The following LRRC69 variants were observed in gnomAD, a reference collection of about 807,000 sequenced individuals.
The protein encoded by LRRC69 is leucine rich repeat containing 69, also known as leucine-rich repeat-containing protein 69.
LRRC69 carries 42 observed loss-of-function variants against 37.8 expected under a neutral mutation model. The observed-to-expected ratio is 1.11, with a 90% confidence interval of 0.87 to 1.44. The LOEUF (loss-of-function observed/expected upper bound fraction) is 1.44, where lower values mean the gene tolerates loss of function less well. LRRC69 is among the 40% of genes most tolerant of loss of function. The pLI, the probability that LRRC69 is intolerant of heterozygous loss-of-function variation, is 0.00. For synonymous variants in LRRC69, 141 were observed against 143.1 expected (o/e 0.99, Z 0.11); for missense variants, 357 against 401.9 (o/e 0.89, Z 0.96).
intron 1 of LRRC69, among the ~76,000 whole-genome samples, chr8:91,106,836 A>G (rs1345656974): frequency 6.6e-6 from 1 of 151,820 alleles, no homozygotes; most frequent in African/African-American, 2.4e-5. Flanking sequence ...TCTGTCACCC[A>G]AGCTGGAGTG....
At chr8:91,110,802 A>G (rs62526680) in intron 1 of LRRC69, among the ~76,000 whole-genome samples, 68,979 of 151,910 alleles carry the variant, frequency 0.45, 17,427 homozygotes, top group South Asian at 0.64. Flanking sequence ...CTAGGCCTAC[A>G]TATGATATGC....
chr8:91,203,534 A>G (rs1477905724), intron 7 of LRRC69, among the ~76,000 whole-genome samples: 2 of 151,742 alleles, frequency 1.3e-5, no homozygotes, highest in Admixed American at 6.6e-5. Context: ...CTGGGATTAC[A>G]GGTGGCCACC....
At chr8:91,214,399 G>A (rs1418805769) in intron 7 of LRRC69, among the ~76,000 whole-genome samples, 3 of 152,268 alleles carry the variant, frequency 2.0e-5, no homozygotes, top group South Asian at 2.1e-4. Context: ...TCTTCAGTAT[G>A]TTATTTGAAA....
chr8:91,142,753 C>T, intron 5 of LRRC69, among the ~76,000 whole-genome samples: 1 of 152,022 alleles, frequency 6.6e-6, no homozygotes, highest in East Asian at 1.9e-4. Flanking sequence ...GTTGAACTTG[C>T]ACTCAAGACT....
chr8:91,203,915 C>G (rs550053274), intron 7 of LRRC69, among the ~76,000 whole-genome samples: 1 of 150,058 alleles, frequency 6.7e-6, no homozygotes, highest in Non-Finnish European at 1.5e-5. Flanking sequence ...GTCAGGAGAT[C>G]GAGACCATCC....
chr8:91,175,155 T>C (rs1809202250), intron 5 of LRRC69, among the ~76,000 whole-genome samples: 1 of 152,088 alleles, frequency 6.6e-6, no homozygotes, highest in South Asian at 2.1e-4. Flanking sequence ...TAATTAAAGT[T>C]ACACAGGGAG....
At chr8:91,208,821 C>T (rs908361734) in intron 7 of LRRC69, among the ~76,000 whole-genome samples, 14 of 152,098 alleles carry the variant, frequency 9.2e-5, no homozygotes, top group Non-Finnish European at 5.9e-5. Context: ...CTATCTAGAT[C>T]GAAGCTCCGT....
At chr8:91,105,934 A>G (rs1156527514) in intron 1 of LRRC69, among the ~76,000 whole-genome samples, 2 of 152,024 alleles carry the variant, frequency 1.3e-5, no homozygotes, top group African/African-American at 4.8e-5. Context: ...CATAGAGTTT[A>G]TGTTTTAGTC....
chr8:91,203,848 G>A (rs957690477), intron 7 of LRRC69, among the ~76,000 whole-genome samples: 6 of 151,760 alleles, frequency 4.0e-5, no homozygotes, highest in Admixed American at 2.6e-4. Flanking sequence ...AGCCGGGCAC[G>A]GTGGCTCACG....
Position 91,135,664 on chromosome 8 carries a change from A to G in LRRC69, c.580-4A>G, listed in dbSNP as rs185240178. Reference sequence around the variant, plus strand: ...AAATCTCTCTCTTCTGTTTTCTGACACAGGAACTTTGTGATCTTAAAAAAC... The same window carrying G: ...AAATCTCTCTCTTCTGTTTTCTGACGCAGGAACTTTGTGATCTTAAAAAAC... On this transcript the variant is annotated splice_polypyrimidine_tract_variant and splice_region_variant and intron_variant, in intron 4 of 7. Coordinates refer to ENST00000448384, the Ensembl canonical transcript of LRRC69. The G allele has an allele frequency of 1.6e-4, 232 of 1,448,904 alleles. 2 individuals carry two copies. In the African/African-American group the frequency reaches 3.1e-3, roughly 19 times the overall value. 89.8% of individuals were successfully genotyped at this position (1,448,904 alleles called of 1,614,324 possible). A position where few individuals can be genotyped will look rare whatever the true frequency, so the allele number is the denominator to read the frequency against.
chr8:91,133,249 T>C, exon 4 of LRRC69: 1 of 1,522,510 alleles, frequency 6.6e-7, no homozygotes, highest in Non-Finnish European at 8.8e-7. Flanking sequence ...GATTAAATTC[T>C]TGAAGAAGCT....
chr8:91,211,914 T>A (rs941794404), intron 7 of LRRC69, among the ~76,000 whole-genome samples: 1 of 152,078 alleles, frequency 6.6e-6, no homozygotes, highest in Non-Finnish European at 1.5e-5. Flanking sequence ...TTGCTTCTAT[T>A]CAGGTGAATG....
At chr8:91,158,359 G>C in intron 5 of LRRC69, 2 of 1,436,846 alleles carry the variant, frequency 1.4e-6, no homozygotes, top group South Asian at 1.1e-5. Context: ...ATGAATCTTG[G>C]TATTTAGATG....
In LRRC69 at chr8:91,133,095, T is replaced by G. The variant is rs77549815; in HGVS notation, c.384-15T>G. ...TGAGTTTCATTCATATACTTTGGTG[T>G]TTTTTTTTTTTTAGATTAAAAAGTC... On this transcript the variant is annotated splice_polypyrimidine_tract_variant and intron_variant, in intron 3 of 7. Transcript: ENST00000448384. The G allele has an allele frequency of 3.3e-5, 13 of 394,692 alleles. No individual in the cohort carries two copies. The highest frequency in any genetic ancestry group is 1.3e-4 in the South Asian group (2 of 15,562). 24.4% of individuals were successfully genotyped at this position (394,692 alleles called of 1,614,324 possible).
rs868261484 is a variant in LRRC69 at position 91,121,642 on chromosome 8, A to G, written c.184-2851A>G. Among the ~76,000 whole-genome samples, 13 of 152,096 alleles carry G rather than the reference A, an allele frequency of 8.5e-5. 1 individual carries two copies. Among genetic ancestry groups the G allele is most frequent in the Non-Finnish European group, 4.4e-5 (3 of 68,038 alleles). Reference sequence around the variant, plus strand: ...TCACTCTTTAAATTGTCTCTAGAACACTTAATACTGTCTGTTATTTTTGTA... The same window carrying G: ...TCACTCTTTAAATTGTCTCTAGAACGCTTAATACTGTCTGTTATTTTTGTA... On this transcript the variant is annotated intron_variant, in intron 1 of 7. Transcript: ENST00000448384.
intron 5 of LRRC69, among the ~76,000 whole-genome samples, chr8:91,163,947 C>T (rs1808987508): frequency 6.6e-6 from 1 of 151,282 alleles, no homozygotes; most frequent in Non-Finnish European, 1.5e-5. Context: ...AATAAAAATT[C>T]AGCTCTTGAC....
chr8:91,121,456 G>A (rs1445089650), intron 1 of LRRC69, among the ~76,000 whole-genome samples: 2 of 151,914 alleles, frequency 1.3e-5, no homozygotes, highest in Non-Finnish European at 2.9e-5. Flanking sequence ...GCAGTGCTCA[G>A]CCACATTAGC....
At position 91,105,659 on chromosome 8, in the gene LRRC69, CA is replaced by C. The variant is rs11407238; in HGVS notation, c.183+2833del. On this transcript the variant is annotated intron_variant, in intron 1 of 7. Coordinates refer to ENST00000448384, the Ensembl canonical transcript of LRRC69. ...CCTGGGCTGCAGAGTGATTCTGTCT[CA>C]AAAAAAAAAAAAAAAAAGGAAAGGC... 8.4e-3 allele frequency among the ~76,000 whole-genome samples: 924 copies of C among 110,506 alleles called. 4 individuals carry two copies. The highest frequency in any genetic ancestry group is 0.012 in the Non-Finnish European group (638 of 55,398). 72.5% of individuals were successfully genotyped at this position (110,506 alleles called of 152,430 possible).
intron 5 of LRRC69, among the ~76,000 whole-genome samples, chr8:91,173,682 A>G (rs1389549889): frequency 1.3e-5 from 2 of 152,124 alleles, no homozygotes; most frequent in Non-Finnish European, 2.9e-5. Context: ...TAAATTTGGG[A>G]TGTTCAAGAT....
Sources: gnomAD v4.1 joint callset for allele counts (sites outside exome capture counted in the v4.1 genomes callset) on GRCh38, gnomAD v4.1.1 for gene constraint, MANE v1.5 for transcripts, NCBI Gene and HGNC (gene_info 2026-07-23, HGNC 2026-07-21) for gene names.